Variants in LMBR1 observed in about 807,000 individuals in gnomAD.
LMBR1 encodes the protein limb development membrane protein 1.
LMBR1 carries 52 observed loss-of-function variants against 73.9 expected under a neutral mutation model. The observed-to-expected ratio is 0.70, with a 90% CI of 0.56 to 0.89. LMBR1 has a LOEUF of 0.89. LMBR1 is among the 40% of genes least tolerant of loss of function. The pLI, the probability that LMBR1 is intolerant of heterozygous loss-of-function variation, is 0.00. For synonymous variants in LMBR1, 215 were observed against 209.4 expected (o/e 1.03, Z -0.23); for missense variants, 539 against 579.8 (o/e 0.93, Z 0.72).
intron 1 of LMBR1, among the ~76,000 whole-genome samples, chr7:156,868,689 G>C (rs1798829326): frequency 6.6e-6 from 1 of 151,406 alleles, no homozygotes; most frequent in Non-Finnish European, 1.5e-5. Context: ...GCAGTGGCTA[G>C]GTGAGGTGGC....
intron 3 of LMBR1, among the ~76,000 whole-genome samples, chr7:156,827,213 A>G (rs1304432179): frequency 6.6e-6 from 1 of 152,174 alleles, no homozygotes; most frequent in East Asian, 1.9e-4. Context: ...AAACTTAGAA[A>G]GCCATTGGCC....
At chr7:156,675,798 CAGCAG>C, downstream of LMBR1, 1 of 1,614,148 alleles carries the variant, frequency 6.2e-7, no homozygotes, top group Middle Eastern at 1.6e-4. Flanking sequence ...AAGTGTTCTT[CAGCAG>C]TTGGAAGAAA....
chr7:156,858,583 C>T (rs2134163789), intron 1 of LMBR1, among the ~76,000 whole-genome samples: 1 of 152,200 alleles, frequency 6.6e-6, no homozygotes, highest in East Asian at 1.9e-4. Flanking sequence ...TACCCTAATA[C>T]CAAAATGAAA....
chr7:156,762,963 C>A, intron 7 of LMBR1, 145 bp downstream of exon 7: 1 of 541,038 alleles, frequency 1.8e-6, no homozygotes, highest in Non-Finnish European at 3.3e-6. Context: ...TTCCATTTAT[C>A]AAAATTTATT....
At chr7:156,825,617 C>A (rs1024917381) in intron 4 of LMBR1, among the ~76,000 whole-genome samples, 1 of 152,036 alleles carries the variant, frequency 6.6e-6, no homozygotes, top group Non-Finnish European at 1.5e-5. Context: ...CCAGCATGTT[C>A]TATGAGAGAC....
At position 156,726,285 on chromosome 7, in the gene LMBR1, G is replaced by C. The variant is rs145741965; in HGVS notation, c.994-448C>G. 3.0e-4 allele frequency among the ~76,000 whole-genome samples: 45 copies of C among 152,262 alleles called. No homozygotes were observed. In the East Asian group the frequency reaches 6.6e-3, roughly 22 times the overall value. On this transcript the variant is annotated intron_variant, in intron 12 of 16. Transcript: ENST00000353442. ...GTCAAAATTAAGCTAAGAGTAGAAA[G>C]AGAGTAAATGTGCATATCCTGTTCC...
Position 156,762,174 on chromosome 7 carries a change from C to T in LMBR1, c.644G>A (p.Arg215His), listed in dbSNP as rs775415352. Reference sequence around the variant, plus strand: ...CAACTGACCCATCACTGTGAACATACGAGAAAGGCCAACTGGTGTACACAC... The same window carrying T: ...CAACTGACCCATCACTGTGAACATATGAGAAAGGCCAACTGGTGTACACAC... ...LLLCTPVGLS[R>H]MFTVMGQLLV... is the part of the protein sequence containing the mutation. Residue 215 changes from arginine (R) to histidine (H), a missense_variant, in exon 8 of 17, where the codon CGT (arginine) becomes CAT (histidine). Around this residue, in one of 3 missense-constraint regions of LMBR1, gnomAD observed 454 missense variants for 473.4 expected, o/e 0.96. Coordinates refer to ENST00000353442, the MANE Select transcript of LMBR1 (RefSeq NM_022458.4). 6.8e-6 allele frequency: 11 copies of T among 1,611,076 alleles called. No homozygotes were observed. Among genetic ancestry groups the T allele is most frequent in the South Asian group, 4.4e-5 (4 of 90,956 alleles).
At chr7:156,749,508 T>G (rs1820438664) in intron 9 of LMBR1, among the ~76,000 whole-genome samples, 1 of 152,190 alleles carries the variant, frequency 6.6e-6, no homozygotes, top group Admixed American at 6.5e-5. Flanking sequence ...TGACACTAAG[T>G]GCTTCTGACA....
chr7:156,725,835 C>A lies in LMBR1; in HGVS notation c.996G>T (p.Gly332=). Reference sequence around the variant, plus strand: ...AAAGAGAGGCATTTCCTATTCCAGGCCCCTGGGGTGGGAGAAAGACACTTT... The same window carrying A: ...AAAGAGAGGCATTTCCTATTCCAGGACCCTGGGGTGGGAGAAAGACACTTT... ...DETAMPKGTR[G]PGIGNASLST... is the part of the protein sequence containing the mutation. Residue 332 remains glycine, a splice_region_variant and synonymous_variant, in exon 13 of 17, where the codon GGG becomes GGT. Coordinates refer to ENST00000353442, the MANE Select transcript of LMBR1 (RefSeq NM_022458.4). 1.9e-6 allele frequency: 3 copies of A among 1,612,060 alleles called. No individual in the cohort carries two copies. Among genetic ancestry groups the A allele is most frequent in the Non-Finnish European group, 2.5e-6 (3 of 1,179,012 alleles).
At chr7:156,867,539 G>C (rs1010530058) in intron 1 of LMBR1, among the ~76,000 whole-genome samples, 1 of 152,144 alleles carries the variant, frequency 6.6e-6, no homozygotes, top group African/African-American at 2.4e-5. Context: ...TAAACAATAT[G>C]TGACATATCC....
intron 4 of LMBR1, among the ~76,000 whole-genome samples, chr7:156,672,765 C>T (rs1362319625): frequency 6.6e-6 from 1 of 152,252 alleles, no homozygotes; most frequent in Non-Finnish European, 1.5e-5. Flanking sequence ...CTCTGTTCCT[C>T]TCTCAAGTGG....
At chr7:156,703,998 T>G (rs1235008741) in intron 15 of LMBR1, among the ~76,000 whole-genome samples, 1 of 152,078 alleles carries the variant, frequency 6.6e-6, no homozygotes, top group East Asian at 1.9e-4. Flanking sequence ...GGCAAAGTGC[T>G]TGGAAACTAG....
intron 4 of LMBR1, among the ~76,000 whole-genome samples, chr7:156,826,060 A>C (rs1011438759): frequency 2.0e-5 from 3 of 152,206 alleles, no homozygotes; most frequent in Admixed American, 6.5e-5. Context: ...GCTCACTGCA[A>C]TCTCCACCTC....
intron 3 of LMBR1, among the ~76,000 whole-genome samples, chr7:156,829,514 C>T (rs1000743905): frequency 3.9e-5 from 6 of 152,110 alleles, no homozygotes; most frequent in Non-Finnish European, 8.8e-5. Context: ...ACGCTTCCTG[C>T]GGCCTCACCA....
At chr7:156,812,341 AAGAGGGAG>A (rs1268552634) in intron 4 of LMBR1, among the ~76,000 whole-genome samples, 1 of 152,000 alleles carries the variant, frequency 6.6e-6, no homozygotes, top group African/African-American at 2.4e-5. Flanking sequence ...GAGAGACAGC[AAGAGGGAG>A]AGAGGGAGAG....
At chr7:156,779,732 C>G in intron 5 of LMBR1, 1 of 1,283,682 alleles carries the variant, frequency 7.8e-7, no homozygotes, top group South Asian at 1.2e-5. Context: ...ATCTTGCCCT[C>G]CTGTAAGGGA....
At chr7:156,862,669 A>T (rs989109645) in intron 1 of LMBR1, among the ~76,000 whole-genome samples, 1 of 152,194 alleles carries the variant, frequency 6.6e-6, no homozygotes, top group African/African-American at 2.4e-5. Flanking sequence ...ACTAGTGGGA[A>T]ATTTCTGTAA....
intron 15 of LMBR1, among the ~76,000 whole-genome samples, chr7:156,720,463 T>C (rs1200276321): frequency 6.6e-6 from 1 of 152,162 alleles, no homozygotes; most frequent in Non-Finnish European, 1.5e-5. Context: ...ACACATTTCG[T>C]AGATATCAGG....
intron 10 of LMBR1, among the ~76,000 whole-genome samples, chr7:156,733,201 G>A (rs1242683550): frequency 6.6e-6 from 1 of 151,752 alleles, no homozygotes; most frequent in East Asian, 1.9e-4. Context: ...ACCCAACAAG[G>A]GTAAAATCTC....
Sources: allele counts gnomAD v4.1 joint callset (sites outside exome capture counted in the v4.1 genomes callset), GRCh38; gene constraint gnomAD v4.1.1; regional missense constraint gnomAD v4.1.1; transcripts MANE v1.5; gene names NCBI Gene and HGNC (gene_info 2026-07-23, HGNC 2026-07-21).